The following BOP1 variants were observed in gnomAD, a reference collection of about 807,000 sequenced individuals.
BOP1 encodes the protein BOP1 ribosomal biogenesis factor.
BOP1 carries 54 observed loss-of-function variants against 82.9 expected under a neutral mutation model. The observed-to-expected ratio is 0.65, with a 90% CI of 0.52 to 0.82. BOP1 has a LOEUF of 0.82. BOP1 is among the 40% of genes least tolerant of loss of function. The probability of loss-of-function intolerance (pLI) is 0.00; values close to 1 mark genes in which losing one functional copy is unlikely to be tolerated. For missense variants in BOP1, 1,170 were observed against 1,072.0 expected (o/e 1.09, Z -1.28); for synonymous variants, 566 against 451.1 (o/e 1.25, Z -3.23).
At chr8:144,278,031 T>C (rs1845597911) in intron 2 of BOP1, among the ~76,000 whole-genome samples, 1 of 152,176 alleles carries the variant, frequency 6.6e-6, no homozygotes, top group Non-Finnish European at 1.5e-5. Context: ...CGCCCATGCC[T>C]GGAGTCAGCC....
In BOP1 at chr8:144,264,372, G is replaced by A; in HGVS notation, c.831C>T (p.Thr277=). ...GGGCCCACAGGTCATAGAAGCTGGG[G>A]GTGGGGTCTCGGGGCCGGCGAGGCT... ...WIQPRRPRDP[T]PSFYDLWAQE... is the part of the protein sequence containing the mutation. The change falls in exon 7 of 16, where the codon ACC becomes ACT. Residue 277 remains threonine, a synonymous_variant. Coordinates refer to ENST00000569669, the MANE Select transcript of BOP1 (RefSeq NM_015201.5). 1 of 1,604,406 alleles carries A rather than the reference G, an allele frequency of 6.2e-7. No homozygotes were observed. The highest frequency in any genetic ancestry group is 1.1e-5 in the South Asian group (1 of 91,050).
intron 3 of BOP1, chr8:144,266,439 C>T (rs1445045752): frequency 2.2e-6 from 2 of 928,030 alleles, no homozygotes; most frequent in East Asian, 1.2e-4. Context: ...AGGCGCAGCT[C>T]GGGGCCCCGC....
At chr8:144,275,026 C>T (rs1463372336) in intron 3 of BOP1, among the ~76,000 whole-genome samples, 10 of 152,000 alleles carry the variant, frequency 6.6e-5, no homozygotes, top group East Asian at 3.9e-4. Flanking sequence ...GTTCTCTGAA[C>T]GCGCAGCAGA....
chr8:144,270,922 C>T (rs941148005), intron 3 of BOP1, among the ~76,000 whole-genome samples: 3 of 152,188 alleles, frequency 2.0e-5, no homozygotes, highest in Non-Finnish European at 2.9e-5. Flanking sequence ...TGGGCCTCAG[C>T]TGTCAGCTCC....
intron 2 of BOP1, among the ~76,000 whole-genome samples, chr8:144,277,782 C>T (rs1487434534): frequency 1.8e-5 from 1 of 56,238 alleles, no homozygotes; most frequent in Non-Finnish European, 5.9e-5. Flanking sequence ...CCAGGCCCAG[C>T]GCCCGAAGGG....
chr8:144,265,508 A>C, intron 3 of BOP1: 6 of 189,680 alleles, frequency 3.2e-5, no homozygotes, highest in East Asian at 1.5e-4. Context: ...AGAAGCCAAG[A>C]CCTCTCTGTG....
At chr8:144,268,210 C>CA in intron 3 of BOP1, 1 of 1,545,192 alleles carries the variant, frequency 6.5e-7, no homozygotes, top group South Asian at 1.2e-5. Context: ...TGACTGCAGA[C>CA]AGCCCCCACC....
At chr8:144,287,572 C>T (rs973355687) in intron 2 of BOP1, among the ~76,000 whole-genome samples, 5 of 152,102 alleles carry the variant, frequency 3.3e-5, no homozygotes, top group African/African-American at 1.2e-4. Flanking sequence ...TCTATCATAG[C>T]TCACTGTGAC....
In BOP1 at chr8:144,284,104, G is replaced by A. The variant is rs553607677; in HGVS notation, c.309+4991C>T. On this transcript the variant is annotated intron_variant, in intron 2 of 15. Transcript: ENST00000569669. ...CGTACTCCAGCCTGGGCGACAGAGC[G>A]AGACTCTGTCTCAAAAAACAAAACA... Among the ~76,000 whole-genome samples, 119 of 152,086 alleles carry A rather than the reference G, an allele frequency of 7.8e-4. 2 individuals are homozygous for A. Among genetic ancestry groups the A allele is most frequent in the African/African-American group, 2.5e-3 (103 of 41,446 alleles).
At chr8:144,266,634 C>T in intron 3 of BOP1, 1 of 1,232,530 alleles carries the variant, frequency 8.1e-7, no homozygotes, top group Non-Finnish European at 1.0e-6. Context: ...CCACGCTGCG[C>T]CCGGCGCCGC....
chr8:144,272,979 G>T (rs1845514857), intron 3 of BOP1, among the ~76,000 whole-genome samples: 1 of 152,176 alleles, frequency 6.6e-6, no homozygotes, highest in Non-Finnish European at 1.5e-5. Context: ...CCAGTCAGCA[G>T]CCCCCTCGGA....
intron 3 of BOP1, among the ~76,000 whole-genome samples, chr8:144,271,532 C>T (rs1845492877): frequency 6.6e-6 from 1 of 152,112 alleles, no homozygotes; most frequent in Non-Finnish European, 1.5e-5. Flanking sequence ...TCTCGGAGCG[C>T]CACACGGCCT....
chr8:144,276,653 T>C (rs28710449), intron 2 of BOP1, among the ~76,000 whole-genome samples: 145,435 of 152,226 alleles, frequency 0.96, 69,844 homozygotes, highest in South Asian at 1. Flanking sequence ...CAACCACCCG[T>C]ACCCCCATTC....
intron 3 of BOP1, among the ~76,000 whole-genome samples, chr8:144,274,426 C>G (rs1845539119): frequency 6.6e-6 from 1 of 152,238 alleles, no homozygotes. Context: ...AGCCTCTTTC[C>G]TGCCCACCTG....
At chr8:144,275,114 A>AG (rs1390798976) in intron 3 of BOP1, among the ~76,000 whole-genome samples, 7 of 147,622 alleles carry the variant, frequency 4.7e-5, no homozygotes, top group African/African-American at 1.5e-4. Context: ...ACCTGGGGGG[A>AG]GGGGGGCGCG....
chr8:144,262,882 C>A lies in BOP1; in HGVS notation c.1865G>T (p.Trp622Leu), dbSNP rs971287344. 7.3e-5 allele frequency: 114 copies of A among 1,552,834 alleles called. 2 individuals are homozygous for A. In the South Asian group the frequency reaches 1.3e-3, roughly 17 times the overall value. Residue 622 changes from tryptophan to leucine, a missense_variant, in exon 13 of 16, where the codon TGG (tryptophan) becomes TTG (leucine). Coordinates refer to ENST00000569669, the MANE Select transcript of BOP1 (RefSeq NM_015201.5). The stretch of plus-strand genomic sequence containing the variant: ...AGGGTGCACCGCCAGGCTGGACACC[C>A]ACTTGCAGTTGGGCATCAGCTTCTT... ...LTKKLMPNCKWVSSLAVHPAG... is the reference protein window; with the variant it reads ...LTKKLMPNCKLVSSLAVHPAG...
At chr8:144,289,051 T>C in intron 2 of BOP1, 44 bp downstream of exon 2, 1 of 1,607,668 alleles carries the variant, frequency 6.2e-7, no homozygotes. Context: ...CAAGGCCACC[T>C]GCACATGGGG....
At chr8:144,267,854 A>C (rs1845414355) in intron 3 of BOP1, among the ~76,000 whole-genome samples, 1 of 152,204 alleles carries the variant, frequency 6.6e-6, no homozygotes, top group African/African-American at 2.4e-5. Flanking sequence ...GGCTTTTCCC[A>C]ATCCCCATTT....
rs1442481817 is a variant in BOP1, at chr8:144,273,100, G to C, written c.390+3124C>G. Among the ~76,000 whole-genome samples, 4 of 152,150 alleles carry C rather than the reference G, an allele frequency of 2.6e-5. No homozygotes were observed. In the South Asian group the frequency reaches 8.3e-4, roughly 32 times the overall value. ...GTGGGGAGGGCCGTTCGCTCGCCGG[G>C]AAACCTGAGCCGAGGCCGCGCCGCC... is the stretch of plus-strand genomic sequence containing the variant. On this transcript the variant is annotated intron_variant, in intron 3 of 15. Coordinates refer to ENST00000569669, the MANE Select transcript of BOP1 (RefSeq NM_015201.5).
Sources: allele counts gnomAD v4.1 joint callset (sites outside exome capture counted in the v4.1 genomes callset), GRCh38; gene constraint gnomAD v4.1.1; transcripts MANE v1.5; gene names NCBI Gene and HGNC (gene_info 2026-07-23, HGNC 2026-07-21).